Variants in ASB4 observed in about 807,000 individuals in gnomAD.
ASB4 encodes the protein ankyrin repeat and SOCS box containing 4, also known as ankyrin repeat and SOCS box protein 4.
In ASB4, 35 loss-of-function variants were observed where a neutral mutation model predicts 38.6. The ratio of observed to expected loss-of-function variants is 0.91; its 90% confidence interval spans 0.69 to 1.20. The LOEUF is 1.20. ASB4 is among the 50% of genes most tolerant of loss of function. ASB4 has a pLI of 0.00. For missense variants in ASB4, 557 were observed against 527.2 expected (o/e 1.06, Z -0.55); for synonymous variants, 195 against 201.3 (o/e 0.97, Z 0.26).
At chr7:95,498,848 C>T (rs923820718) in intron 2 of ASB4, among the ~76,000 whole-genome samples, 15 of 151,886 alleles carry the variant, frequency 9.9e-5, no homozygotes, top group East Asian at 5.8e-4. Flanking sequence ...GGGTTAGGTT[C>T]GTCTTTTTTT....
intron 3 of ASB4, among the ~76,000 whole-genome samples, chr7:95,531,949 G>A (rs1051178871): frequency 4.6e-5 from 7 of 152,170 alleles, no homozygotes; most frequent in African/African-American, 1.2e-4. Flanking sequence ...TAGTTTGGCT[G>A]TATGCTAAAG....
chr7:95,545,720 G>A, the ASB4 span, among the ~76,000 whole-genome samples: 1 of 152,182 alleles, frequency 6.6e-6, no homozygotes, highest in Non-Finnish European at 1.5e-5. Context: ...CAACTGGCAA[G>A]AATAGCATTT....
intron 3 of ASB4, among the ~76,000 whole-genome samples, chr7:95,531,663 C>T (rs2116651191): frequency 6.6e-6 from 1 of 152,226 alleles, no homozygotes; most frequent in Middle Eastern, 3.4e-3. Context: ...TCTTCCCATC[C>T]AGGAGAGACA....
At chr7:95,482,306 G>A (rs980007278), upstream of ASB4, among the ~76,000 whole-genome samples, 8 of 152,126 alleles carry the variant, frequency 5.3e-5, no homozygotes, top group African/African-American at 1.9e-4. Context: ...GACTGAAATA[G>A]CTTCTGTGGG....
intron 2 of ASB4, among the ~76,000 whole-genome samples, chr7:95,500,968 G>A (rs1790328150): frequency 6.6e-6 from 1 of 152,126 alleles, no homozygotes; most frequent in Non-Finnish European, 1.5e-5. Context: ...TCTATGTGTA[G>A]CCATCACCAC....
rs1173256948 is a variant in ASB4 at position 95,527,847 on chromosome 7, T to C, written c.522T>C (p.Asp174=). 6.2e-7 allele frequency: 1 copy of C among 1,607,548 alleles called. No homozygotes were observed. Among genetic ancestry groups the C allele is most frequent in the East Asian group, 2.2e-5 (1 of 44,648 alleles). ...TGAACATGAAGACCAACAACCAAGA[T>C]GAGGAGACGCCCTTGCACACGGCTG... ...ANVNMKTNNQ[D]EETPLHTAAH... The change falls in exon 3 of 5, where the codon GAT becomes GAC. Residue 174 remains aspartate (D), a synonymous_variant. Coordinates refer to ENST00000325885, the MANE Select transcript of ASB4 (RefSeq NM_016116.3).
chr7:95,542,212 GTTTA>G (rs1165214964), downstream of ASB4: 2 of 152,078 alleles, frequency 1.3e-5, no homozygotes, highest in African/African-American at 4.8e-5. Flanking sequence ...CAAGGTTTTG[GTTTA>G]TTTGTTTTTA....
chr7:95,482,195 T>C (rs982446715), upstream of ASB4, among the ~76,000 whole-genome samples: 1 of 152,276 alleles, frequency 6.6e-6, no homozygotes, highest in African/African-American at 2.4e-5. Flanking sequence ...GATAACATTT[T>C]CAACTTGATA....
chr7:95,515,336 T>TTC (rs1188226158), intron 2 of ASB4, among the ~76,000 whole-genome samples: 1,368 of 92,356 alleles, frequency 0.015, 36 homozygotes, highest in Admixed American at 0.047. Context: ...TTCCTTCCTT[T>TTC]CTTTCTTTCT....
chr7:95,482,620 G>A (rs992858388), upstream of ASB4, among the ~76,000 whole-genome samples: 2 of 152,184 alleles, frequency 1.3e-5, no homozygotes, highest in African/African-American at 2.4e-5. Context: ...AAGGACTCAC[G>A]TCATAGGGTT....
intron 2 of ASB4, among the ~76,000 whole-genome samples, chr7:95,516,999 A>G (rs1292888034): frequency 6.6e-6 from 1 of 152,152 alleles, no homozygotes; most frequent in Non-Finnish European, 1.5e-5. Context: ...TCTCCACTGG[A>G]TGTTTAGTTA....
the ASB4 span, among the ~76,000 whole-genome samples, chr7:95,549,301 AT>A: frequency 8.5e-4 from 98 of 114,740 alleles, no homozygotes; most frequent in Non-Finnish European, 6.2e-4. Context: ...AGGAGACTCC[AT>A]TTTTTTTTTT....
intron 2 of ASB4, among the ~76,000 whole-genome samples, chr7:95,507,154 T>TTTG (rs1562814656): frequency 3.3e-5 from 5 of 151,856 alleles, no homozygotes; most frequent in Non-Finnish European, 1.5e-5. Flanking sequence ...TTGTTTGTTT[T>TTTG]TTTGCTGCAG....
chr7:95,518,569 AC>A (rs1378794907), intron 2 of ASB4, among the ~76,000 whole-genome samples: 10 of 152,352 alleles, frequency 6.6e-5, no homozygotes, highest in Admixed American at 1.3e-4. Context: ...CTAAATCCTA[AC>A]CTAAGGAAAA....
intron 1 of ASB4, among the ~76,000 whole-genome samples, chr7:95,493,984 T>C (rs994101325): frequency 1.3e-5 from 2 of 152,206 alleles, no homozygotes; most frequent in African/African-American, 4.8e-5. Flanking sequence ...TGCATGTTCT[T>C]GTATGTAGAC....
chr7:95,501,959 T>A (rs1790344567), intron 2 of ASB4, among the ~76,000 whole-genome samples: 1 of 151,914 alleles, frequency 6.6e-6, no homozygotes, highest in African/African-American at 2.4e-5. Context: ...AGAGATAAAT[T>A]AGAGAAAGCA....
At chr7:95,480,561 C>T (rs1010706045) in intron 1 of ASB4, among the ~76,000 whole-genome samples, 2 of 152,150 alleles carry the variant, frequency 1.3e-5, no homozygotes, top group African/African-American at 4.8e-5. Context: ...TGGGAGAAAT[C>T]AGTTACCATG....
At chr7:95,513,293 A>ATGTG (rs3046862) in intron 2 of ASB4, among the ~76,000 whole-genome samples, 15,181 of 88,878 alleles carry the variant, frequency 0.17, 1,400 homozygotes, top group East Asian at 0.26. Flanking sequence ...AGCCAATAGA[A>ATGTG]TGTGTGTGTG....
chr7:95,527,659 A>C (rs1790756949), intron 2 of ASB4, among the ~76,000 whole-genome samples, 154 bp from the exon 3 acceptor site: 1 of 152,178 alleles, frequency 6.6e-6, no homozygotes, highest in African/African-American at 2.4e-5. Context: ...GAGGCCCAGG[A>C]AGAGAGCCTG....
Sources: allele counts gnomAD v4.1 joint callset (sites outside exome capture counted in the v4.1 genomes callset), GRCh38; gene constraint gnomAD v4.1.1; transcripts MANE v1.5; gene names NCBI Gene and HGNC (gene_info 2026-07-23, HGNC 2026-07-21).